RBFOX1: variants seen among roughly 807,000 people sequenced by gnomAD.
RBFOX1 encodes RNA binding protein fox-1 homolog 1.
A neutral mutation model predicts 57.7 loss-of-function variants in RBFOX1; 8 were observed. The observed-to-expected ratio is 0.14, with a 90% CI of 0.08 to 0.25. The LOEUF is 0.25. Ranked by LOEUF, RBFOX1 falls within the 10% of genes least tolerant of loss-of-function variation. RBFOX1 has a pLI of 1.00. For synonymous variants in RBFOX1, 326 were observed against 222.4 expected, an observed-to-expected ratio of 1.47 and a Z score of -4.15; for missense variants, 611 against 548.5, an observed-to-expected ratio of 1.11 and a Z score of -1.14.
chr16:5,501,956 C>G (rs1249201490), intron 2 of RBFOX1, among the ~76,000 whole-genome samples: 3 of 151,976 alleles, frequency 2.0e-5, no homozygotes, highest in African/African-American at 7.3e-5. Context: ...CTCCTGGCCT[C>G]AAGTGATCCT....
chr16:6,822,994 T>C (rs574332000), intron 3 of RBFOX1, among the ~76,000 whole-genome samples: 11 of 152,336 alleles, frequency 7.2e-5, no homozygotes, highest in African/African-American at 2.6e-4. Context: ...TCTCAACGTG[T>C]AGATACTTTG....
chr16:6,231,230 GTGTGT>G (rs2152903744), intron 1 of RBFOX1, among the ~76,000 whole-genome samples: 1 of 88,530 alleles, frequency 1.1e-5, no homozygotes, highest in Non-Finnish European at 2.6e-5. Context: ...GTGTGTGTGT[GTGTGT>G]GTAGGTGTGT....
chr16:7,516,212 A>T (rs1280913089), intron 4 of RBFOX1, among the ~76,000 whole-genome samples: 1 of 152,014 alleles, frequency 6.6e-6, no homozygotes, highest in Non-Finnish European at 1.5e-5. Flanking sequence ...GTGGAAAGAG[A>T]ACTTCTTCCC....
At chr16:7,300,067 G>A (rs1012752633) in intron 4 of RBFOX1, among the ~76,000 whole-genome samples, 4 of 152,120 alleles carry the variant, frequency 2.6e-5, no homozygotes, top group African/African-American at 7.2e-5. Context: ...CAGAGCAAGT[G>A]TAGTTTTTAG....
chr16:6,212,551 C>G (rs564771932), intron 1 of RBFOX1, among the ~76,000 whole-genome samples: 2 of 151,968 alleles, frequency 1.3e-5, no homozygotes, highest in South Asian at 4.1e-4. Context: ...ACTAAAAATA[C>G]AAAAAATTAG....
chr16:7,649,158 C>A (rs994144354), intron 11 of RBFOX1, among the ~76,000 whole-genome samples: 9 of 151,902 alleles, frequency 5.9e-5, no homozygotes, highest in African/African-American at 2.2e-4. Context: ...GTAGGATGTT[C>A]CCAAAAGTAA....
intron 2 of RBFOX1, among the ~76,000 whole-genome samples, chr16:6,527,650 G>T (rs561108764): frequency 6.6e-6 from 1 of 152,250 alleles, no homozygotes; most frequent in South Asian, 2.1e-4. Flanking sequence ...GACTGGTCTT[G>T]ATTGTGTTCA....
At chr16:6,412,947 A>G (rs1249799926) in intron 2 of RBFOX1, among the ~76,000 whole-genome samples, 2 of 152,222 alleles carry the variant, frequency 1.3e-5, no homozygotes, top group Non-Finnish European at 2.9e-5. Context: ...TTTGGAAGAT[A>G]AATAATTATG....
chr16:6,836,951 G>C (rs751978411), intron 3 of RBFOX1, among the ~76,000 whole-genome samples: 1 of 152,104 alleles, frequency 6.6e-6, no homozygotes, highest in African/African-American at 2.4e-5. Context: ...TCAGTAGAAG[G>C]GTGGAAGGAT....
chr16:7,656,295 T>C (rs952109611), intron 12 of RBFOX1, among the ~76,000 whole-genome samples: 1 of 152,170 alleles, frequency 6.6e-6, no homozygotes, highest in East Asian at 1.9e-4. Flanking sequence ...TGGGAATGAA[T>C]TGGCACGGAA....
chr16:7,150,313 G>T (rs1601090201), intron 4 of RBFOX1, among the ~76,000 whole-genome samples: 2 of 152,178 alleles, frequency 1.3e-5, no homozygotes, highest in African/African-American at 4.8e-5. Context: ...GGACCTCTTT[G>T]TATGTCTTCA....
At chr16:5,459,453 C>A (rs1392785626) in intron 1 of RBFOX1, among the ~76,000 whole-genome samples, 2 of 152,132 alleles carry the variant, frequency 1.3e-5, no homozygotes, top group African/African-American at 4.8e-5. Context: ...TCCCCAGATC[C>A]ATGCTTCCGT....
chr16:7,181,249 T>C (rs985432137), intron 4 of RBFOX1, among the ~76,000 whole-genome samples: 6 of 152,134 alleles, frequency 3.9e-5, no homozygotes, highest in African/African-American at 1.4e-4. Flanking sequence ...CCGATGAGCA[T>C]GGTCATGAGA....
intron 1 of RBFOX1, among the ~76,000 whole-genome samples, chr16:6,036,002 A>G (rs192283374): frequency 6.6e-5 from 10 of 152,282 alleles, no homozygotes; most frequent in Admixed American, 5.2e-4. Context: ...GGTGCTTTAC[A>G]TATACTATCA....
intron 12 of RBFOX1, among the ~76,000 whole-genome samples, chr16:7,658,307 C>G (rs926479952): frequency 2.0e-5 from 3 of 152,150 alleles, no homozygotes; most frequent in African/African-American, 7.2e-5. Flanking sequence ...ACCTCCATTT[C>G]CTTCAAGCCA....
chr16:5,829,663 G>A (rs764144392), intron 3 of RBFOX1, among the ~76,000 whole-genome samples: 12 of 126,466 alleles, frequency 9.5e-5, no homozygotes, highest in African/African-American at 1.5e-4. Context: ...TAGATCTGCT[G>A]TCCATGAGCC....
At chr16:7,279,134 C>CT (rs112905560) in intron 4 of RBFOX1, among the ~76,000 whole-genome samples, 7 of 134,026 alleles carry the variant, frequency 5.2e-5, no homozygotes, top group Admixed American at 2.2e-4. Context: ...TTCTTTCTTT[C>CT]TTTTTTTTTT....
At chr16:6,970,277 A>G (rs1156825356) in intron 3 of RBFOX1, among the ~76,000 whole-genome samples, 1 of 152,200 alleles carries the variant, frequency 6.6e-6, no homozygotes, top group Admixed American at 6.5e-5. Flanking sequence ...GGGTACTTTC[A>G]ATGACCCAAC....
intron 2 of RBFOX1, among the ~76,000 whole-genome samples, chr16:6,480,065 A>AAAT (rs2095348635): frequency 6.6e-6 from 1 of 151,780 alleles, no homozygotes. Flanking sequence ...AAAAAAAAAA[A>AAAT]AAATCACTGG....
Sources: allele counts gnomAD v4.1 joint callset (sites outside exome capture counted in the v4.1 genomes callset), GRCh38; gene constraint gnomAD v4.1.1; transcripts MANE v1.5; gene names NCBI Gene and HGNC (gene_info 2026-07-23, HGNC 2026-07-21).